The following RALA variants were observed in gnomAD, a reference collection of about 807,000 sequenced individuals.
RALA encodes the protein ras-related protein Ral-A.
In RALA, 5 loss-of-function variants were observed where a neutral mutation model predicts 24.0. The observed-to-expected ratio is 0.21, with a 90% CI of 0.11 to 0.44. RALA has a LOEUF of 0.44. RALA is among the 20% of genes least tolerant of loss of function. The pLI, the probability that RALA is intolerant of heterozygous loss-of-function variation, is 0.99. For synonymous variants in RALA, 77 were observed against 83.8 expected, an observed-to-expected ratio of 0.92 and a Z score of 0.44; for missense variants, 95 against 241.2, an observed-to-expected ratio of 0.39 and a Z score of 4.01.
chr7:39,666,234 C>T lies in RALA; in HGVS notation c.-37-20397C>T, dbSNP rs1792285237. Among the ~76,000 whole-genome samples the T allele has an allele frequency of 2.0e-5, 3 of 151,960 alleles. 1 individual carries two copies. Among genetic ancestry groups the T allele is most frequent in the Admixed American group, 6.6e-5 (1 of 15,264 alleles). ...TTCAAAAAAAATGTATACTGGGTGTCAGGGCCACAAAGGTGACATTTTCTG... is the reference window on the plus strand; with the variant it reads ...TTCAAAAAAAATGTATACTGGGTGTTAGGGCCACAAAGGTGACATTTTCTG... On this transcript the variant is annotated intron_variant, in intron 1 of 4. Coordinates refer to ENST00000005257, the MANE Select transcript of RALA (RefSeq NM_005402.4).
chr7:39,683,378 G>A (rs956991119), intron 1 of RALA, among the ~76,000 whole-genome samples: 7 of 152,140 alleles, frequency 4.6e-5, no homozygotes, highest in African/African-American at 1.4e-4. Flanking sequence ...AAAACATTCA[G>A]GTCTCAGCTC....
At chr7:39,676,821 A>G (rs566218572) in intron 1 of RALA, among the ~76,000 whole-genome samples, 1 of 152,168 alleles carries the variant, frequency 6.6e-6, no homozygotes, top group Non-Finnish European at 1.5e-5. Flanking sequence ...GAGAGTTTAG[A>G]GTCTGGATTG....
chr7:39,649,025 A>T lies in RALA; in HGVS notation c.-38+25200A>T, dbSNP rs143990175. 8.7e-3 allele frequency among the ~76,000 whole-genome samples: 1,327 copies of T among 152,198 alleles called. 21 individuals are homozygous for T. Among genetic ancestry groups the T allele is most frequent in the Admixed American group, 0.029 (441 of 15,292 alleles). ...TGCTGAGCTGTGATCATGCCGTTGC[A>T]CTCCAGCCTGTGCGACAGAGCGAGA... On this transcript the variant is annotated intron_variant, in intron 1 of 4. Transcript: ENST00000005257.
chr7:39,633,865 T>C (rs1236305635), intron 1 of RALA, among the ~76,000 whole-genome samples: 2 of 152,200 alleles, frequency 1.3e-5, no homozygotes, highest in Admixed American at 1.3e-4. Flanking sequence ...GTGATGGTCA[T>C]TGCACACCAG....
chr7:39,633,990 C>T (rs897185947), intron 1 of RALA, among the ~76,000 whole-genome samples: 1 of 151,816 alleles, frequency 6.6e-6, no homozygotes, highest in African/African-American at 2.4e-5. Flanking sequence ...TTACCAGGTC[C>T]CTGTGTGAAC....
chr7:39,681,399 A>G (rs1426582690), intron 1 of RALA, among the ~76,000 whole-genome samples: 10 of 129,466 alleles, frequency 7.7e-5, no homozygotes, highest in Non-Finnish European at 1.2e-4. Context: ...ATCTTGGCTC[A>G]CTGGAGCCTC....
intron 1 of RALA, among the ~76,000 whole-genome samples, chr7:39,662,504 A>G (rs944489457): frequency 6.6e-6 from 1 of 152,128 alleles, no homozygotes; most frequent in African/African-American, 2.4e-5. Context: ...CAGATGCCCT[A>G]AATCATCGCC....
intron 1 of RALA, among the ~76,000 whole-genome samples, chr7:39,632,626 C>G (rs1026212253): frequency 1.3e-5 from 2 of 151,918 alleles, no homozygotes; most frequent in Non-Finnish European, 1.5e-5. Context: ...GAGACCAGGT[C>G]GAGTAAGATG....
intron 1 of RALA, among the ~76,000 whole-genome samples, chr7:39,682,574 C>A (rs1235008726): frequency 6.6e-6 from 1 of 152,202 alleles, no homozygotes; most frequent in Admixed American, 6.5e-5. Context: ...TCAATTTTAC[C>A]TCCTCTTACT....
At chr7:39,631,018 T>G (rs996646018) in intron 1 of RALA, among the ~76,000 whole-genome samples, 4 of 151,728 alleles carry the variant, frequency 2.6e-5, no homozygotes, top group South Asian at 2.1e-4. Context: ...TTTGTTTTTT[T>G]TTTTTTTGAG....
intron 1 of RALA, among the ~76,000 whole-genome samples, chr7:39,651,844 C>T (rs6462937): frequency 0.65 from 99,442 of 151,960 alleles, 32,957 homozygotes; most frequent in African/African-American, 0.74. Context: ...CATTTTTAAA[C>T]GACTGTTTTA....
intron 4 of RALA, chr7:39,700,288 A>G (rs1793002245): frequency 6.6e-6 from 1 of 152,196 alleles, no homozygotes; most frequent in African/African-American, 2.4e-5. Flanking sequence ...GCTCTGCTCT[A>G]CAGTGTCTGC....
intron 1 of RALA, 147 bp from the exon 2 acceptor site, chr7:39,686,484 C>G (rs1352311639): frequency 1.9e-6 from 1 of 512,834 alleles, no homozygotes; most frequent in African/African-American, 1.9e-5. Flanking sequence ...GGTTTTTCCC[C>G]TAAGTGAGCA....
At chr7:39,682,342 T>C (rs556502597) in intron 1 of RALA, among the ~76,000 whole-genome samples, 21 of 152,338 alleles carry the variant, frequency 1.4e-4, no homozygotes, top group African/African-American at 5.1e-4. Flanking sequence ...CCCAAGCCTC[T>C]GTCCTCTCTT....
intron 1 of RALA, among the ~76,000 whole-genome samples, chr7:39,640,636 AT>A (rs1386000073): frequency 6.6e-6 from 1 of 152,110 alleles, no homozygotes; most frequent in Non-Finnish European, 1.5e-5. Context: ...ATGTTTTCTA[AT>A]TTCCCATGAG....
At chr7:39,687,637 A>G (rs1176163405) in intron 2 of RALA, among the ~76,000 whole-genome samples, 1 of 152,210 alleles carries the variant, frequency 6.6e-6, no homozygotes, top group African/African-American at 2.4e-5. Context: ...CTTTCCCTGC[A>G]GGAATGTTAT....
intron 3 of RALA, among the ~76,000 whole-genome samples, chr7:39,694,330 G>A (rs545880810): frequency 4.6e-5 from 7 of 152,328 alleles, no homozygotes; most frequent in Non-Finnish European, 5.9e-5. Flanking sequence ...GGGAGGTTAA[G>A]TGGCTTGCCC....
intron 1 of RALA, among the ~76,000 whole-genome samples, chr7:39,678,775 T>G (rs566899783): frequency 6.6e-6 from 1 of 152,328 alleles, no homozygotes; most frequent in African/African-American, 2.4e-5. Flanking sequence ...AAGAACATAG[T>G]TAATTGCAGT....
chr7:39,675,787 G>A (rs1792476846), intron 1 of RALA, among the ~76,000 whole-genome samples: 1 of 149,922 alleles, frequency 6.7e-6, no homozygotes, highest in African/African-American at 2.4e-5. Context: ...TCTTGGTCAT[G>A]TATATTCTAC....
Sources: gnomAD v4.1 joint callset for allele counts (sites outside exome capture counted in the v4.1 genomes callset) on GRCh38, gnomAD v4.1.1 for gene constraint, MANE v1.5 for transcripts, NCBI Gene and HGNC (gene_info 2026-07-23, HGNC 2026-07-21) for gene names.